Variants in ERP44 observed in about 807,000 individuals in gnomAD.
ERP44 encodes the protein endoplasmic reticulum protein 44.
A neutral mutation model predicts 53.4 loss-of-function variants in ERP44; 25 were observed. That is an observed-to-expected ratio of 0.47 (90% CI 0.34 to 0.65). The LOEUF is 0.65. Ranked by LOEUF, ERP44 falls within the 30% of genes least tolerant of loss-of-function variation. The pLI is 0.01. For synonymous variants in ERP44, 145 were observed against 161.2 expected (o/e 0.90, Z 0.76); for missense variants, 338 against 493.2 (o/e 0.69, Z 2.98).
At chr9:100,070,328 T>C (rs1360932011) in intron 1 of ERP44, among the ~76,000 whole-genome samples, 7 of 152,228 alleles carry the variant, frequency 4.6e-5, no homozygotes, top group African/African-American at 1.4e-4. Flanking sequence ...AATTTGTACA[T>C]GGTTACATTA....
At chr9:100,031,633 A>G (rs972007054) in intron 4 of ERP44, among the ~76,000 whole-genome samples, 1 of 152,188 alleles carries the variant, frequency 6.6e-6, no homozygotes, top group African/African-American at 2.4e-5. Flanking sequence ...ACCCAGAAAT[A>G]CTGGTCATTT....
At chr9:100,054,401 G>A (rs2118710260) in intron 3 of ERP44, among the ~76,000 whole-genome samples, 1 of 152,142 alleles carries the variant, frequency 6.6e-6, no homozygotes, top group African/African-American at 2.4e-5. Flanking sequence ...AGAAAGAGCG[G>A]GCAAGCCTCT....
At chr9:100,073,828 T>TA (rs1826329009) in intron 1 of ERP44, among the ~76,000 whole-genome samples, 1 of 152,154 alleles carries the variant, frequency 6.6e-6, no homozygotes, top group Admixed American at 6.5e-5. Flanking sequence ...CAGCAAGAAA[T>TA]ACACTTTACA....
intron 4 of ERP44, among the ~76,000 whole-genome samples, chr9:100,028,169 T>C (rs553124049): frequency 2.0e-5 from 3 of 152,342 alleles, no homozygotes; most frequent in South Asian, 2.1e-4. Flanking sequence ...CTCAGGTATA[T>C]GGGTGCATGT....
At position 99,980,170 on chromosome 9, in the gene ERP44, CTT is replaced by C. The variant is rs781440683; in HGVS notation, c.*2440_*2441del. 2 of 397,568 alleles carry C rather than the reference CTT, an allele frequency of 5.0e-6. No individual in the cohort carries two copies. The highest frequency in any genetic ancestry group is 8.9e-6 in the Non-Finnish European group (2 of 225,696). The allele number at this position is 397,568 out of a possible 1,614,324, so 24.6% of individuals were successfully genotyped here. On this transcript the variant is annotated 3_prime_UTR_variant, in exon 12 of 12. Transcript: ENST00000262455. ...GCAATTGAGTGCTCCTTTATGCCCTCTTTAACCTTTATTTTGTCTTTACATCT... is the reference window on the plus strand; with the variant it reads ...GCAATTGAGTGCTCCTTTATGCCCTCTAACCTTTATTTTGTCTTTACATCT...
intron 4 of ERP44, among the ~76,000 whole-genome samples, chr9:100,041,175 G>A (rs1028227718): frequency 3.3e-5 from 5 of 152,060 alleles, no homozygotes; most frequent in Non-Finnish European, 7.4e-5. Context: ...AACCACAAAA[G>A]ACGCAGAATA....
chr9:99,989,789 G>A (rs1008317386), intron 10 of ERP44, among the ~76,000 whole-genome samples: 2 of 152,128 alleles, frequency 1.3e-5, no homozygotes, highest in African/African-American at 4.8e-5. Context: ...GAAAAAAGAT[G>A]AAAGGCTAAC....
At chr9:99,994,255 G>C (rs567113247) in intron 10 of ERP44, among the ~76,000 whole-genome samples, 2 of 152,254 alleles carry the variant, frequency 1.3e-5, no homozygotes, top group Admixed American at 1.3e-4. Flanking sequence ...ACCAAACAAA[G>C]TGTCCATCAG....
Position 100,022,172 on chromosome 9 carries a change from C to T in ERP44, c.341G>A (p.Arg114His), listed in dbSNP as rs1248924033. 4 of 1,613,764 alleles carry T rather than the reference C, an allele frequency of 2.5e-6. No individual in the cohort carries two copies. The highest frequency in any genetic ancestry group is 2.2e-5 in the East Asian group (1 of 44,842). Residue 114 changes from arginine (R) to histidine (H), a missense_variant, in exon 5 of 12, where the codon CGT becomes CAT. Physicochemically the swap from Arg to His is conservative, Grantham distance 29 (BLOSUM62 0). Coordinates refer to ENST00000262455, the MANE Select transcript of ERP44 (RefSeq NM_015051.3). ...TTCTCTCTTCATCATCATCCCATTA[C>T]GAAACAATTTGAGGGTTGGGTATTT... ...ISKYPTLKLF[R>H]NGMMMKREYR... is the part of the protein sequence containing the mutation.
At chr9:100,085,726 C>A (rs374355713) in intron 1 of ERP44, among the ~76,000 whole-genome samples, 23 of 152,286 alleles carry the variant, frequency 1.5e-4, no homozygotes, top group African/African-American at 5.5e-4. Flanking sequence ...ATGGTGAAAC[C>A]TCGTCTCTAC....
chr9:100,009,493 C>T (rs919571332), intron 8 of ERP44, among the ~76,000 whole-genome samples: 4 of 152,160 alleles, frequency 2.6e-5, no homozygotes, highest in African/African-American at 9.7e-5. Flanking sequence ...CACCCCCTGG[C>T]ATCACATTCA....
At chr9:100,063,675 C>T (rs1329603805) in intron 1 of ERP44, among the ~76,000 whole-genome samples, 3 of 151,986 alleles carry the variant, frequency 2.0e-5, no homozygotes, top group African/African-American at 7.3e-5. Context: ...TTTCATAGAT[C>T]TTAATAGTCA....
chr9:100,090,585 C>G (rs937134341), intron 1 of ERP44, among the ~76,000 whole-genome samples: 1 of 152,000 alleles, frequency 6.6e-6, no homozygotes, highest in Admixed American at 6.5e-5. Flanking sequence ...CCCGTCTCTA[C>G]TAAAAACACA....
intron 10 of ERP44, among the ~76,000 whole-genome samples, chr9:99,999,709 C>T (rs1275636685): frequency 6.6e-6 from 1 of 151,954 alleles, no homozygotes; most frequent in Admixed American, 6.6e-5. Flanking sequence ...TCTATTTTTG[C>T]TTTTATTGCC....
chr9:100,016,929 C>T (rs1830531126), intron 7 of ERP44, among the ~76,000 whole-genome samples: 1 of 152,052 alleles, frequency 6.6e-6, no homozygotes, highest in Middle Eastern at 3.2e-3. Context: ...AGTATCTTCA[C>T]CAAAGGCAGG....
chr9:100,046,000 A>G (rs1388161670), intron 4 of ERP44, among the ~76,000 whole-genome samples: 3 of 152,218 alleles, frequency 2.0e-5, no homozygotes, highest in Admixed American at 6.5e-5. Flanking sequence ...ATTGGAGCTA[A>G]TAAGTTTTAG....
chr9:99,988,931 A>G (rs1185057653), intron 10 of ERP44, among the ~76,000 whole-genome samples: 1 of 152,180 alleles, frequency 6.6e-6, no homozygotes, highest in East Asian at 1.9e-4. Flanking sequence ...GCTCACTGCT[A>G]GCTAGCGCAG....
At chr9:100,086,798 A>G (rs748189300) in intron 1 of ERP44, among the ~76,000 whole-genome samples, 19 of 152,178 alleles carry the variant, frequency 1.2e-4, no homozygotes, top group Non-Finnish European at 2.2e-4. Context: ...AACTACTTCC[A>G]TAATTGATCA....
At chr9:99,984,150 T>A (rs973504461) in intron 11 of ERP44, among the ~76,000 whole-genome samples, 5 of 152,198 alleles carry the variant, frequency 3.3e-5, no homozygotes, top group African/African-American at 1.2e-4. Flanking sequence ...CTGAACCTAA[T>A]CTCACTCTTA....
Sources: gnomAD v4.1 joint callset for allele counts (sites outside exome capture counted in the v4.1 genomes callset) on GRCh38, gnomAD v4.1.1 for gene constraint, MANE v1.5 for transcripts, NCBI Gene and HGNC (gene_info 2026-07-23, HGNC 2026-07-21) for gene names.